SH3TC1: variants seen among roughly 807,000 people sequenced by gnomAD.
The protein encoded by SH3TC1 is SH3 domain and tetratricopeptide repeats 1.
Under a neutral mutation model 117.3 loss-of-function variants are expected in SH3TC1, and 135 were observed. That is an observed-to-expected ratio of 1.15 (90% CI 1.00 to 1.33). SH3TC1 has a LOEUF of 1.33. Among genes scored for constraint, SH3TC1 ranks in the 40% most tolerant of loss-of-function variants. SH3TC1 has a pLI of 0.00. For missense variants in SH3TC1, 2,092 were observed against 1,794.3 expected, an observed-to-expected ratio of 1.17 and a Z score of -3.00; for synonymous variants, 898 against 816.9, an observed-to-expected ratio of 1.10 and a Z score of -1.69.
At position 8,217,003 on chromosome 4, in the gene SH3TC1, G is replaced by T. The variant is rs555239011; in HGVS notation, c.675G>T (p.Thr225=). ...CTGACCACCATGTGAGAGTGATGAC[G>T]GGTCCCCGGGATGCAGGAAATGGCC... The part of the protein sequence containing the change: ...LCPDHHVRVM[T]GPRDAGNGPQ... Residue 225 remains threonine, a synonymous_variant, in exon 7 of 18, where the codon ACG becomes ACT. Transcript: ENST00000245105. 6.2e-7 allele frequency: 1 copy of T among 1,613,896 alleles called. No individual in the cohort carries two copies.
At position 8,232,943 on chromosome 4, in the gene SH3TC1, C is replaced by T. The variant is rs959259665; in HGVS notation, c.3132-420C>T. The T allele has an allele frequency of 1.4e-5, 17 of 1,192,094 alleles. No individual in the cohort carries two copies. In the Admixed American group the frequency reaches 1.4e-4, roughly 10 times the overall value. The allele number at this position is 1,192,094 out of a possible 1,614,324, so 73.8% of individuals were successfully genotyped here. ...GGAGTTCTAGGGCCCGCCCCAGGCC[C>T]GTGGAGCCAGAAGCTCTGGGGGCAG... On this transcript the variant is annotated intron_variant, in intron 13 of 17. Coordinates refer to ENST00000245105, the MANE Select transcript of SH3TC1 (RefSeq NM_018986.5).
intron 11 of SH3TC1, among the ~76,000 whole-genome samples, chr4:8,226,661 C>T (rs1369769557): frequency 6.6e-6 from 1 of 152,214 alleles, no homozygotes; most frequent in Non-Finnish European, 1.5e-5. Flanking sequence ...TCTGAGGGAT[C>T]ACTGAGCTGA....
chr4:8,195,675 A>T (rs955505841), upstream of SH3TC1, among the ~76,000 whole-genome samples: 4 of 152,070 alleles, frequency 2.6e-5, no homozygotes, highest in Non-Finnish European at 5.9e-5. Context: ...TTTTCAACGT[A>T]GCTTCCAGAA....
At chr4:8,222,727 G>A (rs1452895790) in intron 9 of SH3TC1, 113 bp from the exon 10 acceptor site, 1 of 1,335,466 alleles carries the variant, frequency 7.5e-7, no homozygotes, top group Non-Finnish European at 1.0e-6. Context: ...CCTGGGCAGA[G>A]AGTAGTGCTC....
rs183347868 is a variant in SH3TC1 at position 8,208,296 on chromosome 4, G to A, written c.173-1452G>A. Among the ~76,000 whole-genome samples the A allele has an allele frequency of 2.5e-4, 38 of 152,276 alleles. 1 individual carries two copies. In the East Asian group the frequency reaches 5.4e-3, roughly 22 times the overall value. ...ATCTGCGGGGTGTGTTTCGGTTACC[G>A]CTGTCAGGTGCATCGGCCAACGGAG... On this transcript the variant is annotated intron_variant, in intron 2 of 17. Coordinates refer to ENST00000245105, the MANE Select transcript of SH3TC1 (RefSeq NM_018986.5).
chr4:8,199,068 C>T (rs1717666087), upstream of SH3TC1, among the ~76,000 whole-genome samples: 1 of 152,240 alleles, frequency 6.6e-6, no homozygotes, highest in South Asian at 2.1e-4. Flanking sequence ...GTGCCCCTAG[C>T]CTCTACTACA....
rs768051376 is a variant in SH3TC1, at chr4:8,219,460, C to T, written c.1042C>T (p.Arg348Ter). The T allele has an allele frequency of 1.4e-5, 23 of 1,606,486 alleles. No homozygotes were observed. The highest frequency in any genetic ancestry group is 2.3e-5 in the East Asian group (1 of 44,432). Residue 348 changes from arginine to a stop codon, truncating the protein, a stop_gained, in exon 9 of 18, where the codon CGA becomes TGA. Transcript: ENST00000245105. LOFTEE classifies it high-confidence loss of function. ...GCCCAGCCTGCCCTGGTGCGTGGGC[C>T]GACACGCAGCCTCGGGCCGGGTGGG... ...QVPSLPWCVGRHAASGRVGFV... is the reference protein window; with the variant it reads ...QVPSLPWCVG
Position 8,228,524 on chromosome 4 carries a change from G to T in SH3TC1, c.2830G>T (p.Asp944Tyr). The change falls in exon 12 of 18, where the codon GAC becomes TAC. Residue 944 changes from aspartate (D) to tyrosine (Y), a missense_variant. Transcript: ENST00000245105. ...SRLPLGECGR[D>Y]FTHVLLQLGH... The stretch of plus-strand genomic sequence containing the variant: ...GCTGCCCCTTGGGGAGTGTGGCCGG[G>T]ACTTCACCCACGTGCTCCTGCAGCT... 1 of 1,611,470 alleles carries T rather than the reference G, an allele frequency of 6.2e-7. No individual in the cohort carries two copies.
At chr4:8,203,733 G>C (rs1291999706) in intron 1 of SH3TC1, among the ~76,000 whole-genome samples, 1 of 152,124 alleles carries the variant, frequency 6.6e-6, no homozygotes, top group East Asian at 1.9e-4. Context: ...TCGTCCCCCT[G>C]CTCCTGGCTT....
intron 13 of SH3TC1, chr4:8,232,566 C>T (rs757290411): frequency 2.2e-6 from 3 of 1,359,806 alleles, no homozygotes; most frequent in Non-Finnish European, 2.9e-6. Context: ...GCTTCTCTCC[C>T]ACAGAAGACA....
intron 1 of SH3TC1, among the ~76,000 whole-genome samples, chr4:8,188,228 G>A (rs529505944): frequency 6.6e-6 from 1 of 152,300 alleles, no homozygotes; most frequent in Admixed American, 6.5e-5. Context: ...TGGCTGCTCT[G>A]GCCGAGCTGT....
intron 3 of SH3TC1, among the ~76,000 whole-genome samples, chr4:8,211,711 G>C (rs933045080): frequency 2.6e-5 from 4 of 151,748 alleles, no homozygotes; most frequent in Admixed American, 6.6e-5. Flanking sequence ...GGCAGATGGG[G>C]TCACAGCCCC....
intron 12 of SH3TC1, among the ~76,000 whole-genome samples, chr4:8,230,228 T>C (rs984217361): frequency 2.6e-4 from 40 of 152,248 alleles, no homozygotes; most frequent in Non-Finnish European, 5.6e-4. Flanking sequence ...ATGGAATCCT[T>C]TTATTTCTGT....
In SH3TC1 at chr4:8,209,109, G is replaced by A. The variant is rs1173098701; in HGVS notation, c.173-639G>A. Among the ~76,000 whole-genome samples, 1 of 152,232 alleles carries A rather than the reference G, an allele frequency of 6.6e-6. No individual in the cohort carries two copies. The highest frequency in any genetic ancestry group is 2.4e-5 in the African/African-American group (1 of 41,458). The stretch of plus-strand genomic sequence containing the variant: ...TGGCTCCTACCTGCACAAGCTGTGA[G>A]GCTGAGCCCGTCTGTGGGCTCAGAT... On this transcript the variant is annotated intron_variant, in intron 2 of 17. Transcript: ENST00000245105. This position sits in a 1 kb window ranked among gnomAD's most constrained non-coding sequence, Gnocchi z 5.9.
At chr4:8,230,170 C>G (rs370229326) in intron 12 of SH3TC1, among the ~76,000 whole-genome samples, 1 of 152,134 alleles carries the variant, frequency 6.6e-6, no homozygotes, top group Non-Finnish European at 1.5e-5. Context: ...TTGGCTGTTG[C>G]GTCTAGATGA....
intron 1 of SH3TC1, among the ~76,000 whole-genome samples, chr4:8,200,575 C>G (rs1450247222): frequency 6.6e-6 from 1 of 152,230 alleles, no homozygotes; most frequent in Non-Finnish European, 1.5e-5. Flanking sequence ...GGAGACGTCA[C>G]TCACTCTTCC....
intron 14 of SH3TC1, among the ~76,000 whole-genome samples, chr4:8,235,104 A>G (rs1266879871): frequency 6.6e-6 from 1 of 152,252 alleles, no homozygotes; most frequent in Admixed American, 6.5e-5. Flanking sequence ...CAACTCAGAA[A>G]GGAGCCAGGG....
Position 8,191,958 on chromosome 4 carries a change from C to CATTTATTTATTT in SH3TC1, c.-57+9780_-57+9791dup, listed in dbSNP as rs10705534. ...GGGGCAGGAGCTGATCTCTGAGTTA[C>CATTTATTTATTT]ATTTATTTATTTATTTATTTATTTA... On this transcript the variant is annotated intron_variant, in intron 1 of 16. Transcript: ENST00000508641. Among the ~76,000 whole-genome samples the CATTTATTTATTT allele has an allele frequency of 1.1e-3, 165 of 148,214 alleles. 1 individual carries two copies. The highest frequency in any genetic ancestry group is 3.9e-3 in the African/African-American group (154 of 39,634).
Position 8,226,975 on chromosome 4 carries a change from T to C in SH3TC1, c.1286-5T>C, listed in dbSNP as rs1333790017. ...AATCTGTCTAGGTGTTTTTGTGACT[T>C]GCAGAAATACCTCCACCTTGCCTGA... On this transcript the variant is annotated splice_polypyrimidine_tract_variant and splice_region_variant and intron_variant, in intron 11 of 17. Transcript: ENST00000245105. 3 of 1,527,166 alleles carry C rather than the reference T, an allele frequency of 2.0e-6. No homozygotes were observed. Among genetic ancestry groups the C allele is most frequent in the Non-Finnish European group, 2.6e-6 (3 of 1,136,234 alleles). The allele number at this position is 1,527,166 out of a possible 1,614,324, so 94.6% of individuals were successfully genotyped here. A position where few individuals can be genotyped will look rare whatever the true frequency, so the allele number is the denominator to read the frequency against.
Sources: gnomAD v4.1 joint callset for allele counts (sites outside exome capture counted in the v4.1 genomes callset) on GRCh38, gnomAD v4.1.1 for gene constraint, Gnocchi (gnomAD v3.1) non-coding constraint, MANE v1.5 for transcripts, NCBI Gene and HGNC (gene_info 2026-07-23, HGNC 2026-07-21) for gene names.